The following SELENOF variants were observed in gnomAD, a reference collection of about 807,000 sequenced individuals.
SELENOF encodes the protein 15 kDa selenoprotein.
Under a neutral mutation model 20.5 loss-of-function variants are expected in SELENOF, and 16 were observed. That is an observed-to-expected ratio of 0.78 (90% CI 0.53 to 1.19). The LOEUF is 1.19. Among genes scored for constraint, SELENOF ranks in the 50% most tolerant of loss-of-function variants. The pLI is 0.00. For missense variants in SELENOF, 215 were observed against 194.2 expected (o/e 1.11, Z -0.64); for synonymous variants, 78 against 74.5 (o/e 1.05, Z -0.24).
In SELENOF at chr1:86,903,316, A is replaced by C; in HGVS notation, c.217T>G (p.Cys73Gly). ...LLQLDPDCRG[C>G]CQEEAQFETK... ...TCAAATTGTGCTTCCTCCTGACAGCATCCTCTGCAATCAGGATCCAGCTGA... is the reference window on the plus strand; with the variant it reads ...TCAAATTGTGCTTCCTCCTGACAGCCTCCTCTGCAATCAGGATCCAGCTGA... The change falls in exon 2 of 5, where the codon TGC becomes GGC. Residue 73 changes from cysteine to glycine, a missense_variant. By Grantham distance (159) the Cys-to-Gly change is radical (BLOSUM62 -3). Coordinates refer to ENST00000331835, the MANE Select transcript of SELENOF (RefSeq NM_004261.5). The C allele has an allele frequency of 1.2e-6, 2 of 1,612,176 alleles. No homozygotes were observed. The highest frequency in any genetic ancestry group is 1.7e-6 in the Non-Finnish European group (2 of 1,179,126).
chr1:86,870,207 GATAGCA>G (rs1473061994), intron 3 of SELENOF, among the ~76,000 whole-genome samples: 2 of 152,254 alleles, frequency 1.3e-5, no homozygotes, highest in East Asian at 3.9e-4. Flanking sequence ...TTTAGAATTA[GATAGCA>G]ATAGCACTAT....
intron 2 of SELENOF, among the ~76,000 whole-genome samples, chr1:86,895,509 A>G (rs1043506676): frequency 1.3e-5 from 2 of 152,224 alleles, no homozygotes; most frequent in African/African-American, 2.4e-5. Flanking sequence ...GACAGGAACT[A>G]TAATTATCCC....
At chr1:86,884,363 ACAC>A in intron 2 of SELENOF, among the ~76,000 whole-genome samples, 1 of 151,914 alleles carries the variant, frequency 6.6e-6, no homozygotes, top group Non-Finnish European at 1.5e-5. Context: ...ACACACACAC[ACAC>A]ACACACACAC....
At chr1:86,872,669 C>T (rs1277120278) in intron 3 of SELENOF, among the ~76,000 whole-genome samples, 1 of 151,924 alleles carries the variant, frequency 6.6e-6, no homozygotes, top group Non-Finnish European at 1.5e-5. Flanking sequence ...CCGTGAGCCA[C>T]GAATGCGGGC....
chr1:86,865,314 T>C (rs914059147), intron 4 of SELENOF, among the ~76,000 whole-genome samples: 1 of 151,968 alleles, frequency 6.6e-6, no homozygotes, highest in Non-Finnish European at 1.5e-5. Flanking sequence ...CTTCAGTGCA[T>C]CAAATGAAAC....
intron 2 of SELENOF, among the ~76,000 whole-genome samples, chr1:86,902,374 G>A (rs1349488687): frequency 1.3e-5 from 2 of 152,150 alleles, no homozygotes; most frequent in Admixed American, 1.3e-4. Context: ...ACATTTCAAA[G>A]CTTGCCTGCT....
At chr1:86,898,549 C>G (rs989973023) in intron 2 of SELENOF, among the ~76,000 whole-genome samples, 1 of 150,266 alleles carries the variant, frequency 6.7e-6, no homozygotes, top group Non-Finnish European at 1.5e-5. Context: ...ATAGCTAAAG[C>G]ATTCTATATA....
chr1:86,864,364 A>T (rs1658538805), intron 4 of SELENOF, among the ~76,000 whole-genome samples: 2 of 152,218 alleles, frequency 1.3e-5, no homozygotes, highest in Non-Finnish European at 1.5e-5. Flanking sequence ...TCATTAAGAG[A>T]TCAAATATCC....
Position 86,868,510 on chromosome 1 carries a change from ATGTC to A in SELENOF, c.317-412_317-409del, listed in dbSNP as rs557030931. On this transcript the variant is annotated intron_variant, in intron 3 of 4. Transcript: ENST00000331835. Reference sequence around the variant, plus strand: ...GAATAGGAAATTAAAAGAGATAAAAATGTCTGTAAGAATTTTTTAATGTGCTAAA... The same window carrying A: ...GAATAGGAAATTAAAAGAGATAAAAATGTAAGAATTTTTTAATGTGCTAAA... Among the ~76,000 whole-genome samples the A allele has an allele frequency of 2.2e-3, 340 of 152,346 alleles. 2 individuals carry two copies. The highest frequency in any genetic ancestry group is 7.7e-3 in the African/African-American group (319 of 41,582).
chr1:86,898,346 A>C (rs543595104), intron 2 of SELENOF, among the ~76,000 whole-genome samples: 2 of 152,308 alleles, frequency 1.3e-5, no homozygotes, highest in African/African-American at 4.8e-5. Flanking sequence ...GGTTTCAAAG[A>C]CATTTTCTGC....
At chr1:86,864,445 T>C (rs1020110081) in intron 4 of SELENOF, among the ~76,000 whole-genome samples, 4 of 152,194 alleles carry the variant, frequency 2.6e-5, no homozygotes, top group Non-Finnish European at 5.9e-5. Context: ...ACAGAGTTCT[T>C]AGAACTTCTT....
At chr1:86,898,107 A>G (rs513129) in intron 2 of SELENOF, among the ~76,000 whole-genome samples, 39,385 of 152,162 alleles carry the variant, frequency 0.26, 6,286 homozygotes, top group African/African-American at 0.45. Flanking sequence ...CATTTTCTTC[A>G]AGCTACAAAT....
intron 2 of SELENOF, among the ~76,000 whole-genome samples, chr1:86,898,784 T>A (rs1417425015): frequency 2.0e-5 from 3 of 151,882 alleles, no homozygotes; most frequent in Admixed American, 6.6e-5. Flanking sequence ...TTGTTTTTTT[T>A]AATTTTCATT....
At chr1:86,884,461 G>A (rs1042438326) in intron 2 of SELENOF, among the ~76,000 whole-genome samples, 9 of 151,612 alleles carry the variant, frequency 5.9e-5, no homozygotes, top group Non-Finnish European at 1.2e-4. Flanking sequence ...TTTTCATGGC[G>A]AATAAATAAC....
At chr1:86,888,801 T>C (rs1659299883) in intron 2 of SELENOF, among the ~76,000 whole-genome samples, 1 of 152,150 alleles carries the variant, frequency 6.6e-6, no homozygotes, top group South Asian at 2.1e-4. Context: ...GTAGCTGGGA[T>C]TACAGGCGTG....
At chr1:86,867,067 G>C (rs559969376) in intron 4 of SELENOF, among the ~76,000 whole-genome samples, 4 of 152,238 alleles carry the variant, frequency 2.6e-5, no homozygotes, top group African/African-American at 9.6e-5. Flanking sequence ...TCCTTCCACA[G>C]GTGAATGACA....
At chr1:86,896,922 T>A (rs1659539860) in intron 2 of SELENOF, among the ~76,000 whole-genome samples, 1 of 152,220 alleles carries the variant, frequency 6.6e-6, no homozygotes, top group African/African-American at 2.4e-5. Flanking sequence ...TTTTCCAACT[T>A]GTTCTTAGTA....
intron 3 of SELENOF, among the ~76,000 whole-genome samples, chr1:86,873,564 A>T (rs935175693): frequency 3.9e-5 from 6 of 152,172 alleles, no homozygotes; most frequent in Non-Finnish European, 8.8e-5. Flanking sequence ...AATTTTAAAA[A>T]ATTAGGCTGG....
intron 2 of SELENOF, among the ~76,000 whole-genome samples, chr1:86,896,048 T>G (rs758433083): frequency 1.3e-5 from 2 of 151,952 alleles, no homozygotes; most frequent in Non-Finnish European, 2.9e-5. Flanking sequence ...TCCAACATGG[T>G]GAAACCCCAT....
Sources: allele counts gnomAD v4.1 joint callset (sites outside exome capture counted in the v4.1 genomes callset), GRCh38; gene constraint gnomAD v4.1.1; transcripts MANE v1.5; gene names NCBI Gene and HGNC (gene_info 2026-07-23, HGNC 2026-07-21).